Variants in CYP2J2 observed in about 807,000 individuals in gnomAD.
CYP2J2 encodes the protein cytochrome P450 family 2 subfamily J member 2.
Under a neutral mutation model 48.8 loss-of-function variants are expected in CYP2J2, and 41 were observed. The ratio of observed to expected loss-of-function variants is 0.84; its 90% CI spans 0.66 to 1.09. The LOEUF (loss-of-function observed/expected upper bound fraction) is 1.09, where lower values mean the gene tolerates loss of function less well. Ranked by LOEUF, CYP2J2 falls within the 50% of genes least tolerant of loss-of-function variation. CYP2J2 has a pLI of 0.00. For missense variants in CYP2J2, 644 were observed against 617.3 expected (o/e 1.04, Z -0.46); for synonymous variants, 221 against 227.1 (o/e 0.97, Z 0.24).
At chr1:59,949,186 A>G in the CYP2J2 span, among the ~76,000 whole-genome samples, 2 of 152,140 alleles carry the variant, frequency 1.3e-5, no homozygotes, top group African/African-American at 4.8e-5. Context: ...GACCTATTGC[A>G]CAACTTATGG....
chr1:59,937,706 G>A, the CYP2J2 span, among the ~76,000 whole-genome samples: 1 of 151,760 alleles, frequency 6.6e-6, no homozygotes, highest in African/African-American at 2.4e-5. Context: ...TCTTAGATTT[G>A]CCCTTTTGAT....
At chr1:59,938,328 C>T in the CYP2J2 span, among the ~76,000 whole-genome samples, 1 of 152,154 alleles carries the variant, frequency 6.6e-6, no homozygotes, top group Non-Finnish European at 1.5e-5. Context: ...TGAGTTCCCT[C>T]AGTATTTAAT....
At chr1:59,943,797 C>T in the CYP2J2 span, among the ~76,000 whole-genome samples, 24 of 151,624 alleles carry the variant, frequency 1.6e-4, no homozygotes, top group African/African-American at 4.6e-4. Flanking sequence ...GTTGAATTTG[C>T]GGAGAAAAAA....
At chr1:59,952,691 T>TC in the CYP2J2 span, among the ~76,000 whole-genome samples, 2 of 152,168 alleles carry the variant, frequency 1.3e-5, no homozygotes, top group Non-Finnish European at 2.9e-5. Context: ...ATACAAGTAC[T>TC]CCATCAATGT....
chr1:59,930,402 TC>T (rs1228424639), upstream of CYP2J2, among the ~76,000 whole-genome samples: 1 of 152,170 alleles, frequency 6.6e-6, no homozygotes, highest in Non-Finnish European at 1.5e-5. Context: ...CTCCACCACT[TC>T]ATCTGTATTT....
chr1:59,897,613 C>G (rs1422303752), intron 8 of CYP2J2, among the ~76,000 whole-genome samples: 2 of 152,162 alleles, frequency 1.3e-5, no homozygotes, highest in African/African-American at 4.8e-5. Context: ...AACTGACTTA[C>G]AATTTTGGCA....
chr1:59,898,421 T>C (rs960184094), intron 8 of CYP2J2, among the ~76,000 whole-genome samples: 1 of 152,180 alleles, frequency 6.6e-6, no homozygotes, highest in African/African-American at 2.4e-5. Flanking sequence ...ATATCAGCCA[T>C]CAGCCTGTTG....
At chr1:59,959,229 C>T in the CYP2J2 span, among the ~76,000 whole-genome samples, 1 of 152,156 alleles carries the variant, frequency 6.6e-6, no homozygotes, top group Non-Finnish European at 1.5e-5. Flanking sequence ...AACTCCATGT[C>T]TCTAACTGCT....
intron 2 of CYP2J2, chr1:59,913,095 C>T (rs1411204273): frequency 6.6e-6 from 1 of 152,176 alleles, no homozygotes; most frequent in Non-Finnish European, 1.5e-5. Flanking sequence ...CTTTTGACCT[C>T]GTCTTACTTG....
At chr1:59,944,716 TA>T in the CYP2J2 span, among the ~76,000 whole-genome samples, 1 of 152,218 alleles carries the variant, frequency 6.6e-6, no homozygotes, top group Non-Finnish European at 1.5e-5. Context: ...GTTGGATTAG[TA>T]AAAAATGACA....
the CYP2J2 span, among the ~76,000 whole-genome samples, chr1:59,960,009 G>A: frequency 6.6e-6 from 1 of 152,080 alleles, no homozygotes; most frequent in South Asian, 2.1e-4. Context: ...ACTTATCCAT[G>A]TAGCCAAATG....
At chr1:59,902,544 T>C (rs1302795186) in intron 7 of CYP2J2, among the ~76,000 whole-genome samples, 2 of 151,916 alleles carry the variant, frequency 1.3e-5, no homozygotes, top group African/African-American at 4.8e-5. Flanking sequence ...GCCTCCCAAG[T>C]AGCTAGGATT....
intron 1 of CYP2J2, among the ~76,000 whole-genome samples, chr1:59,925,482 T>A (rs762460444): frequency 2.4e-4 from 37 of 152,194 alleles, no homozygotes; most frequent in Non-Finnish European, 5.3e-4. Flanking sequence ...TAGTATGATG[T>A]TTGACCACAA....
the CYP2J2 span, among the ~76,000 whole-genome samples, chr1:59,938,150 G>A: frequency 1.3e-5 from 2 of 152,074 alleles, no homozygotes; most frequent in African/African-American, 4.8e-5. Context: ...TCTGTCTCTG[G>A]ACATTGAATG....
At chr1:59,968,708 C>A in the CYP2J2 span, among the ~76,000 whole-genome samples, 1 of 152,168 alleles carries the variant, frequency 6.6e-6, no homozygotes, top group Non-Finnish European at 1.5e-5. Flanking sequence ...CGAGGGGGGA[C>A]CAACCAGCAC....
the CYP2J2 span, among the ~76,000 whole-genome samples, chr1:59,939,081 G>C: frequency 3.9e-5 from 6 of 152,194 alleles, no homozygotes; most frequent in Non-Finnish European, 7.3e-5. Flanking sequence ...CAATTGTTTA[G>C]GGTACAGGTC....
intron 2 of CYP2J2, 26 bp from the exon 3 acceptor site, chr1:59,912,337 A>C (rs757424983): frequency 6.2e-7 from 1 of 1,603,034 alleles, no homozygotes; most frequent in South Asian, 1.1e-5. Flanking sequence ...TCAACATTAC[A>C]GTATTCTGAT....
chr1:59,947,872 T>A, the CYP2J2 span, among the ~76,000 whole-genome samples: 1 of 151,822 alleles, frequency 6.6e-6, no homozygotes, highest in Non-Finnish European at 1.5e-5. Context: ...CATCCCTTTC[T>A]ACTGGAAGAA....
upstream of CYP2J2, among the ~76,000 whole-genome samples, chr1:59,931,259 A>C (rs1644601511): frequency 6.6e-6 from 1 of 152,156 alleles, no homozygotes; most frequent in South Asian, 2.1e-4. Context: ...TTTTATATTT[A>C]AGCTGTAATT....
Sources: allele counts gnomAD v4.1 joint callset (sites outside exome capture counted in the v4.1 genomes callset), GRCh38; gene constraint gnomAD v4.1.1; transcripts MANE v1.5; gene names NCBI Gene and HGNC (gene_info 2026-07-23, HGNC 2026-07-21).